HK3: variants seen among roughly 807,000 people sequenced by gnomAD.
The protein encoded by HK3 is hexokinase-3.
In HK3, 93 loss-of-function variants were observed where a neutral mutation model predicts 91.0. That is an observed-to-expected ratio of 1.02 (90% CI 0.86 to 1.21). The LOEUF (loss-of-function observed/expected upper bound fraction) is 1.21, where lower values mean the gene tolerates loss of function less well. Ranked by LOEUF, HK3 falls within the 50% of genes most tolerant of loss-of-function variation. The probability of loss-of-function intolerance (pLI) is 0.00; values close to 1 mark genes in which losing one functional copy is unlikely to be tolerated. For missense variants in HK3, 1,235 were observed against 1,247.4 expected (o/e 0.99, Z 0.15); for synonymous variants, 519 against 516.9 (o/e 1.00, Z -0.06).
At chr5:176,886,326 C>A (rs907889707) in intron 13 of HK3, among the ~76,000 whole-genome samples, 1 of 151,798 alleles carries the variant, frequency 6.6e-6, no homozygotes, top group Admixed American at 6.6e-5. Flanking sequence ...TGAGATGAAG[C>A]TTTTCATTGA....
intron 2 of HK3, among the ~76,000 whole-genome samples, chr5:176,893,993 T>G (rs1401055462): frequency 6.6e-6 from 1 of 152,150 alleles, no homozygotes; most frequent in Non-Finnish European, 1.5e-5. Context: ...TCACCTCACC[T>G]CTCTGAGCAA....
rs750882954 is a variant in HK3 at position 176,887,100 on chromosome 5, A to C, written c.1759T>G (p.Cys587Gly). Residue 587 changes from cysteine (C) to glycine (G), a missense_variant, in exon 13 of 19, where the codon TGC becomes GGC. By Grantham distance (159) the Cys-to-Gly change is radical. This residue lies in a region of HK3 where 513 missense variants were observed against 477.4 expected (regional missense o/e 1.07). Coordinates refer to ENST00000292432, the MANE Select transcript of HK3 (RefSeq NM_002115.3). This position sits in a 1 kb window ranked among gnomAD's most constrained non-coding sequence, Gnocchi z 4.9. The stretch of plus-strand genomic sequence containing the variant: ...TGCTTCTGCTGGAAGTCCACGATGC[A>C]GTCCACGATGTGGTCAAAGAGCTGT... The part of the protein sequence containing the change: ...GQQLFDHIVD[C>G]IVDFQQKQGL... 6.2e-7 allele frequency: 1 copy of C among 1,614,158 alleles called. No homozygotes were observed. Among genetic ancestry groups the C allele is most frequent in the Non-Finnish European group, 8.5e-7 (1 of 1,179,998 alleles).
At position 176,881,958 on chromosome 5, in the gene HK3, G is replaced by T; in HGVS notation, c.2223C>A (p.Asn741Lys). ...CCAGCCCACACCTCTGCTTGCCGGG[G>T]TTGATGGACGCCTGGTCCACACTTG... ...FDASVDQASI[N>K]PGKQRFEKMI... is the part of the protein sequence containing the mutation. Residue 741 changes from asparagine to lysine, a missense_variant, in exon 16 of 19, where the codon AAC becomes AAA. By Grantham distance (94) the Asn-to-Lys change is moderately conservative. This residue lies in a region of HK3 where 513 missense variants were observed against 477.4 expected (regional missense o/e 1.07). Coordinates refer to ENST00000292432, the MANE Select transcript of HK3 (RefSeq NM_002115.3). The T allele has an allele frequency of 6.2e-7, 1 of 1,613,594 alleles. No individual in the cohort carries two copies. The highest frequency in any genetic ancestry group is 8.5e-7 in the Non-Finnish European group (1 of 1,179,972).
intron 14 of HK3, 77 bp downstream of exon 14, chr5:176,883,958 TCCCC>T: frequency 6.4e-7 from 1 of 1,569,830 alleles, no homozygotes; most frequent in South Asian, 1.1e-5. Context: ...CGCAGAGGGC[TCCCC>T]CCTCAGAAAG....
At chr5:176,882,508 A>G (rs1758466783) in intron 15 of HK3, among the ~76,000 whole-genome samples, 1 of 152,206 alleles carries the variant, frequency 6.6e-6, no homozygotes, top group Non-Finnish European at 1.5e-5. Flanking sequence ...CCTTAATCCA[A>G]CTAAGAGGTG....
chr5:176,887,750 C>T lies in HK3; in HGVS notation c.1305-4G>A. On this transcript the variant is annotated splice_polypyrimidine_tract_variant and splice_region_variant and intron_variant, in intron 10 of 18. Transcript: ENST00000292432. This position sits in a 1 kb window ranked among gnomAD's most constrained non-coding sequence, Gnocchi z 4.9. The stretch of plus-strand genomic sequence containing the variant: ...CCCCTGCAGGACGCTGCAGAACCTA[C>T]AGATACATACAGGTGCACCCGGCTT... 6.3e-7 allele frequency: 1 copy of T among 1,598,444 alleles called. No homozygotes were observed. Among genetic ancestry groups the T allele is most frequent in the South Asian group, 1.1e-5 (1 of 89,616 alleles).
Position 176,887,538 on chromosome 5 carries a change from G to A in HK3, c.1513C>T (p.Arg505Trp), listed in dbSNP as rs781409281. The A allele has an allele frequency of 3.1e-5, 50 of 1,613,706 alleles. No individual in the cohort carries two copies. Among genetic ancestry groups the A allele is most frequent in the Middle Eastern group, 1.6e-4 (1 of 6,084 alleles). ...CGGAGCCCCTTGGCCATGGCCTTCC[G>A]CATCTGTGCCTGAACCGCAGCCAGT... ...DQLAAVQAQM[R>W]KAMAKGLRGE... The change falls in exon 11 of 19, where the codon CGG (arginine) becomes TGG (tryptophan). Residue 505 changes from arginine (R) to tryptophan (W), a missense_variant. By Grantham distance (101) the Arg-to-Trp change is moderately radical. Transcript: ENST00000292432. This position sits in a 1 kb window ranked among gnomAD's most constrained non-coding sequence, Gnocchi z 4.9.
intron 8 of HK3, among the ~76,000 whole-genome samples, chr5:176,889,132 C>G (rs1197463735): frequency 6.6e-6 from 1 of 152,218 alleles, no homozygotes; most frequent in African/African-American, 2.4e-5. Context: ...ACTTCCAGCC[C>G]TCAACCCCCA....
In HK3 at chr5:176,881,357, C is replaced by T. The variant is rs371086300; in HGVS notation, c.2572G>A (p.Glu858Lys). ...ACCCCCACAGACACTGCCAGCTCTT[C>T]CAGGCCCCGGTTCTCCCGGATCTTC... The part of the protein sequence containing the change: ...VEKIRENRGL[E>K]ELAVSVGVDG... The change falls in exon 18 of 19, where the codon GAA becomes AAA. Residue 858 changes from glutamate (E) to lysine (K), a missense_variant. Transcript: ENST00000292432. 9.9e-6 allele frequency: 16 copies of T among 1,613,944 alleles called. No individual in the cohort carries two copies. Among genetic ancestry groups the T allele is most frequent in the Non-Finnish European group, 1.3e-5 (15 of 1,180,040 alleles).
At position 176,896,171 on chromosome 5, in the gene HK3, G is replaced by A. The variant is rs1758907365; in HGVS notation, c.-12C>T. 1.3e-6 allele frequency: 2 copies of A among 1,584,852 alleles called. No homozygotes were observed. The highest frequency in any genetic ancestry group is 2.2e-5 in the East Asian group (1 of 44,474). The stretch of plus-strand genomic sequence containing the variant: ...CCAATGGAGTCCATGAGCTTCCACA[G>A]TGGAAGGTGGCCACCTATGGGAGAA... On this transcript the variant is annotated 5_prime_UTR_variant, in exon 2 of 19. Coordinates refer to ENST00000292432, the MANE Select transcript of HK3 (RefSeq NM_002115.3).
chr5:176,889,630 T>G lies in HK3; in HGVS notation c.730+15A>C. 1.9e-6 allele frequency: 3 copies of G among 1,614,156 alleles called. No homozygotes were observed. The highest frequency in any genetic ancestry group is 2.5e-6 in the Non-Finnish European group (3 of 1,179,990). ...CACACCCTCCACCTGTCATCACAAA[T>G]GGTCCATGGCTCACCTACAACTAGC... On this transcript the variant is annotated intron_variant, in intron 7 of 18. Transcript: ENST00000292432.
In HK3 at chr5:176,888,341, C is replaced by T. The variant is rs1458621297; in HGVS notation, c.1295G>A (p.Arg432Gln). 3.9e-6 allele frequency: 6 copies of T among 1,555,090 alleles called. No individual in the cohort carries two copies. The highest frequency in any genetic ancestry group is 5.2e-6 in the Non-Finnish European group (6 of 1,148,560). Residue 432 changes from arginine (R) to glutamine (Q), a missense_variant, in exon 10 of 19, where the codon CGG (arginine) becomes CAG (glutamine). Arg to Gln is a conservative substitution (Grantham distance 43). Transcript: ENST00000292432. ...AVATGGRVCE[R>Q]HPRFCSVLQG... ...CACGTTTCCACAATACCTGGGGTGC[C>T]GCTCACACACTCGGCCTCCGGTGGC...
At position 176,887,443 on chromosome 5, in the gene HK3, G is replaced by A; in HGVS notation, c.1600+8C>T. On this transcript the variant is annotated splice_region_variant and intron_variant, in intron 11 of 18. Transcript: ENST00000292432. The surrounding 1 kb of genome is among the most constrained non-coding windows in gnomAD (Gnocchi z 4.9). ...TGTTTCGGTCCCACACTCAGGCCAG[G>A]TCCTTACCGCTGCCGTCAGGGGTGG... is the stretch of plus-strand genomic sequence containing the variant. 2 of 1,612,388 alleles carry A rather than the reference G, an allele frequency of 1.2e-6. No homozygotes were observed. Among genetic ancestry groups the A allele is most frequent in the South Asian group, 2.2e-5 (2 of 91,046 alleles).
At chr5:176,889,778 C>A in intron 6 of HK3, 34 bp from the exon 7 acceptor site, 1 of 1,593,056 alleles carries the variant, frequency 6.3e-7, no homozygotes, top group Non-Finnish European at 8.6e-7. Context: ...TCAAGGCTGG[C>A]CTGAGTGGCC....
chr5:176,893,902 G>A (rs1758841628), intron 2 of HK3, among the ~76,000 whole-genome samples: 1 of 152,168 alleles, frequency 6.6e-6, no homozygotes, highest in Admixed American at 6.5e-5. Context: ...AAGGAGAAAG[G>A]CATTAGAGAG....
chr5:176,884,058 T>C lies in HK3; in HGVS notation c.1934A>G (p.Glu645Gly), dbSNP rs751667405. ...EGQDVVSLLR[E>G]AITRRQAVEL... The stretch of plus-strand genomic sequence containing the variant: ...TCCTACCTGTCTGCGAGTGATGGCT[T>C]CCCGCAACAGACTCACGACATCTTG... Residue 645 changes from glutamate (E) to glycine (G), a missense_variant, in exon 14 of 19, where the codon GAA (glutamate) becomes GGA (glycine). Physicochemically the swap from Glu to Gly is moderately conservative, Grantham distance 98 (BLOSUM62 -2). Around this residue, in one of 3 missense-constraint regions of HK3, gnomAD observed 513 missense variants for 477.4 expected, o/e 1.07. Transcript: ENST00000292432. The surrounding 1 kb of genome is among the most constrained non-coding windows in gnomAD (Gnocchi z 4.1). The C allele has an allele frequency of 6.2e-6, 10 of 1,614,094 alleles. No individual in the cohort carries two copies. The highest frequency in any genetic ancestry group is 6.8e-6 in the Non-Finnish European group (8 of 1,180,012).
Position 176,888,771 on chromosome 5 carries a change from G to A in HK3, c.1008C>T (p.Cys336=), listed in dbSNP as rs1758674068. Residue 336 remains cysteine (C), a synonymous_variant, in exon 9 of 19, where the codon TGC becomes TGT. Transcript: ENST00000292432. The part of the protein sequence containing the change: ...LARCGVLFGG[C]TSPALLSQGS... ...CTTGGCTCAGCAGGGCAGGGGAGGT[G>A]CAGCCACCAAAGAGGACCCCACACC... 1.2e-6 allele frequency: 2 copies of A among 1,614,060 alleles called. No homozygotes were observed. Among genetic ancestry groups the A allele is most frequent in the Non-Finnish European group, 1.7e-6 (2 of 1,180,030 alleles).
chr5:176,893,247 G>A (rs940372219), intron 2 of HK3, among the ~76,000 whole-genome samples: 2 of 152,152 alleles, frequency 1.3e-5, no homozygotes, highest in Non-Finnish European at 2.9e-5. Context: ...CCTGAATGCA[G>A]AGATGTTTCT....
Position 176,881,341 on chromosome 5 carries a change from G to T in HK3, c.2588C>A (p.Ser863Tyr), listed in dbSNP as rs1334000492. The T allele has an allele frequency of 1.9e-6, 3 of 1,613,890 alleles. No homozygotes were observed. Among genetic ancestry groups the T allele is most frequent in the Non-Finnish European group, 2.5e-6 (3 of 1,180,034 alleles). Residue 863 changes from serine to tyrosine, a missense_variant, in exon 18 of 19, where the codon TCT (serine) becomes TAT (tyrosine). Ser to Tyr is a moderately radical substitution (Grantham distance 144, BLOSUM62 -2). Transcript: ENST00000292432. ...GTAGAGCGTTCCATCCACCCCCACAGACACTGCCAGCTCTTCCAGGCCCCG... is the reference window on the plus strand; with the variant it reads ...GTAGAGCGTTCCATCCACCCCCACATACACTGCCAGCTCTTCCAGGCCCCG... Reference protein sequence around the residue: ...ENRGLEELAVSVGVDGTLYKL... With the variant: ...ENRGLEELAVYVGVDGTLYKL...
Sources: allele counts gnomAD v4.1 joint callset (sites outside exome capture counted in the v4.1 genomes callset), GRCh38; gene constraint gnomAD v4.1.1; regional missense constraint gnomAD v4.1.1; non-coding constraint Gnocchi (gnomAD v3.1); transcripts MANE v1.5; gene names NCBI Gene and HGNC (gene_info 2026-07-23, HGNC 2026-07-21).